QRFPR: variants seen among roughly 807,000 people sequenced by gnomAD.
QRFPR encodes the protein pyroglutamylated RF-amide peptide receptor.
In QRFPR, 37 loss-of-function variants were observed where a neutral mutation model predicts 31.3. The ratio of observed to expected loss-of-function variants is 1.18; its 90% confidence interval spans 0.91 to 1.56. QRFPR has a LOEUF of 1.56. Ranked by LOEUF, QRFPR falls within the 40% of genes most tolerant of loss-of-function variation. The pLI is 0.00. For synonymous variants in QRFPR, 197 were observed against 192.0 expected, an observed-to-expected ratio of 1.03 and a Z score of -0.22; for missense variants, 542 against 532.5, an observed-to-expected ratio of 1.02 and a Z score of -0.18.
intron 1 of QRFPR, among the ~76,000 whole-genome samples, chr4:121,367,430 T>C (rs1726150842): frequency 6.6e-6 from 1 of 150,392 alleles, no homozygotes. Context: ...TGAATCCTCA[T>C]AGTTTGAGCA....
intron 1 of QRFPR, among the ~76,000 whole-genome samples, chr4:121,341,785 C>T (rs1332493837): frequency 6.6e-6 from 1 of 152,138 alleles, no homozygotes; most frequent in Non-Finnish European, 1.5e-5. Context: ...ATCTGAAACA[C>T]CTCTGGTCTC....
chr4:121,361,780 G>A lies in QRFPR; in HGVS notation c.340+18528C>T, dbSNP rs142141870. ...TCCCAGACTAAAATATTTTTTTCAC[G>A]AGGTAACTAGGCCGCAAGTTTGTAG... On this transcript the variant is annotated intron_variant, in intron 1 of 5. Transcript: ENST00000394427. Among the ~76,000 whole-genome samples, 190 of 149,922 alleles carry A rather than the reference G, an allele frequency of 1.3e-3. 15 individuals are homozygous for A. The highest frequency in any genetic ancestry group is 4.5e-3 in the African/African-American group (181 of 40,590).
rs151100505 is a variant in QRFPR at position 121,371,676 on chromosome 4, C to A, written c.340+8632G>T. Among the ~76,000 whole-genome samples, 22 of 152,292 alleles carry A rather than the reference C, an allele frequency of 1.4e-4. No homozygotes were observed. In the East Asian group the frequency reaches 3.9e-3, roughly 27 times the overall value. ...TATGGGAAGACATATGATCGGGGAGCTTTAGTCCCTGTAAGTTGACTCACT... is the reference window on the plus strand; with the variant it reads ...TATGGGAAGACATATGATCGGGGAGATTTAGTCCCTGTAAGTTGACTCACT... On this transcript the variant is annotated intron_variant, in intron 1 of 5. Coordinates refer to ENST00000394427, the MANE Select transcript of QRFPR (RefSeq NM_198179.3).
intron 1 of QRFPR, chr4:121,369,847 C>G: frequency 1.3e-5 from 13 of 971,594 alleles, no homozygotes; most frequent in Non-Finnish European, 2.2e-5. Context: ...ATGCAGGTGG[C>G]CTCTCTTCTT....
intron 3 of QRFPR, among the ~76,000 whole-genome samples, chr4:121,333,484 A>G (rs1040241339): frequency 6.6e-6 from 1 of 152,240 alleles, no homozygotes; most frequent in Non-Finnish European, 1.5e-5. Flanking sequence ...TTGACAAGGC[A>G]TGAGACATCT....
chr4:121,364,219 G>A lies in QRFPR; in HGVS notation c.340+16089C>T, dbSNP rs1163920198. 2.0e-5 allele frequency among the ~76,000 whole-genome samples: 3 copies of A among 149,942 alleles called. 1 individual carries two copies. In the East Asian group the frequency reaches 6.0e-4, roughly 30 times the overall value. ...GCCTGGAAAAACACTCTACAATTGG[G>A]CATGTCTTTCAAAGCATGAGCCTTG... On this transcript the variant is annotated intron_variant, in intron 1 of 5. Coordinates refer to ENST00000394427, the MANE Select transcript of QRFPR (RefSeq NM_198179.3).
At chr4:121,366,982 A>T (rs1337858943) in intron 1 of QRFPR, among the ~76,000 whole-genome samples, 1 of 150,040 alleles carries the variant, frequency 6.7e-6, no homozygotes, top group Admixed American at 6.6e-5. Flanking sequence ...CAATATTCAT[A>T]CACCTGACAT....
chr4:121,341,822 T>C (rs1725547928), intron 1 of QRFPR, among the ~76,000 whole-genome samples: 1 of 152,186 alleles, frequency 6.6e-6, no homozygotes, highest in Admixed American at 6.5e-5. Flanking sequence ...GAATACTCCA[T>C]GGGAATACTC....
chr4:121,366,678 A>C (rs1726139730), intron 1 of QRFPR, among the ~76,000 whole-genome samples: 1 of 150,016 alleles, frequency 6.7e-6, no homozygotes, highest in Admixed American at 6.6e-5. Flanking sequence ...AGATGAGCCA[A>C]CCTGAAATTG....
At chr4:121,345,369 C>G (rs867609685) in intron 1 of QRFPR, among the ~76,000 whole-genome samples, 3 of 152,178 alleles carry the variant, frequency 2.0e-5, no homozygotes, top group Non-Finnish European at 2.9e-5. Flanking sequence ...ATCCTGTGAG[C>G]CTTCAACATC....
chr4:121,348,818 CCGGGTG>C (rs1197303253), intron 1 of QRFPR, among the ~76,000 whole-genome samples: 27 of 152,260 alleles, frequency 1.8e-4, no homozygotes, highest in African/African-American at 6.5e-4. Flanking sequence ...CTGGTTACGG[CCGGGTG>C]CGATGGCTCA....
intron 3 of QRFPR, among the ~76,000 whole-genome samples, chr4:121,333,760 G>A (rs1298748553): frequency 1.3e-5 from 2 of 152,126 alleles, no homozygotes; most frequent in Non-Finnish European, 2.9e-5. Flanking sequence ...TTAAGGGCTA[G>A]TTCAAGAACA....
At chr4:121,374,041 C>T (rs1371962885) in intron 1 of QRFPR, among the ~76,000 whole-genome samples, 1 of 152,162 alleles carries the variant, frequency 6.6e-6, no homozygotes, top group Admixed American at 6.5e-5. Context: ...ACTGAAAAAC[C>T]TTTGTGGTGA....
intron 1 of QRFPR, among the ~76,000 whole-genome samples, chr4:121,373,380 T>C (rs925464906): frequency 1.3e-5 from 2 of 152,246 alleles, no homozygotes; most frequent in Admixed American, 1.3e-4. Context: ...GTGCACGTAA[T>C]TGATTCTAGG....
intron 1 of QRFPR, among the ~76,000 whole-genome samples, chr4:121,364,832 A>T (rs1726060046): frequency 6.7e-6 from 1 of 149,738 alleles, no homozygotes; most frequent in Non-Finnish European, 1.5e-5. Flanking sequence ...AGGATATGAG[A>T]TAGTAAAAAC....
At chr4:121,347,520 A>G (rs1725677985) in intron 1 of QRFPR, among the ~76,000 whole-genome samples, 1 of 152,072 alleles carries the variant, frequency 6.6e-6, no homozygotes, top group Admixed American at 6.5e-5. Context: ...TTATTTGGAA[A>G]GGTTTTAGGG....
At chr4:121,335,952 C>T (rs1725426501) in intron 3 of QRFPR, among the ~76,000 whole-genome samples, 2 of 152,048 alleles carry the variant, frequency 1.3e-5, no homozygotes, top group African/African-American at 2.4e-5. Context: ...CTGCTCTCAC[C>T]TATGGAGTCC....
chr4:121,334,281 G>A (rs913969380), intron 3 of QRFPR, among the ~76,000 whole-genome samples: 2 of 152,176 alleles, frequency 1.3e-5, no homozygotes, highest in African/African-American at 4.8e-5. Flanking sequence ...CTGAGGGTAT[G>A]CTCAGATGGT....
In QRFPR at chr4:121,369,575, G is replaced by T. The variant is rs1209973609; in HGVS notation, c.340+10733C>A. On this transcript the variant is annotated intron_variant, in intron 1 of 5. Coordinates refer to ENST00000394427, the MANE Select transcript of QRFPR (RefSeq NM_198179.3). Reference sequence around the variant, plus strand: ...ATCTTCAGCCATTCGGTTGGCCTGGGCACGGATCAGTTCCATTGGAGAGGG... The same window carrying T: ...ATCTTCAGCCATTCGGTTGGCCTGGTCACGGATCAGTTCCATTGGAGAGGG... 5 of 1,611,066 alleles carry T rather than the reference G, an allele frequency of 3.1e-6. No homozygotes were observed. The East Asian group carries it at 1.1e-4, about 36-fold the overall frequency.
Sources: allele counts gnomAD v4.1 joint callset (sites outside exome capture counted in the v4.1 genomes callset), GRCh38; gene constraint gnomAD v4.1.1; transcripts MANE v1.5; gene names NCBI Gene and HGNC (gene_info 2026-07-23, HGNC 2026-07-21).